EPHA6: variants seen among roughly 807,000 people sequenced by gnomAD.
The protein encoded by EPHA6 is ephrin type-A receptor 6.
Under a neutral mutation model 112.0 loss-of-function variants are expected in EPHA6, and 50 were observed. The ratio of observed to expected loss-of-function variants is 0.45; its 90% CI spans 0.36 to 0.56. The LOEUF (loss-of-function observed/expected upper bound fraction) is 0.56. EPHA6 is among the 20% of genes least tolerant of loss of function. The pLI, the probability that EPHA6 is intolerant of heterozygous loss-of-function variation, is 0.00. For missense variants in EPHA6, 1,280 were observed against 1,417.4 expected, an observed-to-expected ratio of 0.90 and a Z score of 1.56; for synonymous variants, 529 against 490.7, an observed-to-expected ratio of 1.08 and a Z score of -1.03.
chr3:97,177,074 G>A (rs1203013262), intron 3 of EPHA6, among the ~76,000 whole-genome samples: 1 of 151,266 alleles, frequency 6.6e-6, no homozygotes, highest in Non-Finnish European at 1.5e-5. Context: ...GGTATTTTAT[G>A]TTTCCATTAT....
chr3:97,056,848 T>C (rs1216586401), intron 3 of EPHA6, among the ~76,000 whole-genome samples: 1 of 152,186 alleles, frequency 6.6e-6, no homozygotes, highest in Non-Finnish European at 1.5e-5. Flanking sequence ...TGAGGTATTA[T>C]TGAGATAGGA....
At chr3:96,818,126 C>A (rs1190486885) in intron 1 of EPHA6, among the ~76,000 whole-genome samples, 1 of 151,924 alleles carries the variant, frequency 6.6e-6, no homozygotes, top group East Asian at 1.9e-4. Context: ...ATTTTAAAAA[C>A]ATTTCATCTT....
Position 97,756,299 on chromosome 3 carries a change from A to C in EPHA6, c.*7598A>C, listed in dbSNP as rs2036024465. On this transcript the variant is annotated 3_prime_UTR_variant, in exon 18 of 18. Transcript: ENST00000389672. The stretch of plus-strand genomic sequence containing the variant: ...AATCAATGGCCAATAACTTGCTAAC[A>C]AACTTGTAACTGAACAAGCTATTTT... 6.6e-6 allele frequency among the ~76,000 whole-genome samples: 1 copy of C among 152,046 alleles called. No homozygotes were observed. Among genetic ancestry groups the C allele is most frequent in the Admixed American group, 6.5e-5 (1 of 15,274 alleles).
chr3:97,209,484 A>G (rs952470535), intron 3 of EPHA6, among the ~76,000 whole-genome samples: 1 of 152,202 alleles, frequency 6.6e-6, no homozygotes, highest in Non-Finnish European at 1.5e-5. Flanking sequence ...TAATACTCAC[A>G]TCATTGGCTT....
At chr3:97,481,221 C>A (rs2091533892) in intron 9 of EPHA6, 2 of 1,299,580 alleles carry the variant, frequency 1.5e-6, no homozygotes, top group Non-Finnish European at 2.2e-6. Context: ...ACCTTTTTCT[C>A]CATTACTATT....
At chr3:96,830,831 G>A (rs2034022969) in intron 1 of EPHA6, among the ~76,000 whole-genome samples, 1 of 152,008 alleles carries the variant, frequency 6.6e-6, no homozygotes, top group Non-Finnish European at 1.5e-5. Context: ...GACAAGTAAA[G>A]AAAGTTCAAG....
chr3:97,602,530 C>A (rs916991803), intron 12 of EPHA6, among the ~76,000 whole-genome samples: 2 of 152,058 alleles, frequency 1.3e-5, no homozygotes, highest in African/African-American at 2.4e-5. Flanking sequence ...GACTCTGGAA[C>A]CAGATTGCCT....
chr3:97,390,779 T>G (rs188920284), intron 5 of EPHA6, among the ~76,000 whole-genome samples: 38 of 152,112 alleles, frequency 2.5e-4, no homozygotes, highest in African/African-American at 8.7e-4. Context: ...GAAAAGGAGA[T>G]GACAGTTCAT....
chr3:97,033,796 G>A (rs1378576969), intron 3 of EPHA6, among the ~76,000 whole-genome samples: 3 of 151,898 alleles, frequency 2.0e-5, no homozygotes, highest in Admixed American at 6.6e-5. Context: ...AATTAAAGCT[G>A]TATAGTTCAA....
At chr3:97,698,285 C>A (rs1003404617) in intron 14 of EPHA6, among the ~76,000 whole-genome samples, 1 of 152,150 alleles carries the variant, frequency 6.6e-6, no homozygotes, top group African/African-American at 2.4e-5. Flanking sequence ...AGTTGTGAGC[C>A]GTCGTGACCG....
At chr3:97,596,777 C>CATATATATATATAT (rs57541953) in intron 12 of EPHA6, among the ~76,000 whole-genome samples, 55 of 106,194 alleles carry the variant, frequency 5.2e-4, no homozygotes, top group East Asian at 1.7e-3. Context: ...AACTCATATA[C>CATATATATATATAT]ATATATATAT....
At chr3:97,107,948 T>C (rs1449908161) in intron 3 of EPHA6, among the ~76,000 whole-genome samples, 1 of 152,170 alleles carries the variant, frequency 6.6e-6, no homozygotes, top group East Asian at 1.9e-4. Flanking sequence ...AAGCAATTAT[T>C]CTTGGGTTTT....
At chr3:96,959,532 G>GTGT (rs2041884263) in intron 2 of EPHA6, among the ~76,000 whole-genome samples, 1 of 151,796 alleles carries the variant, frequency 6.6e-6, no homozygotes, top group Non-Finnish European at 1.5e-5. Context: ...TTTTATTATA[G>GTGT]TGTTTTCCTT....
intron 13 of EPHA6, among the ~76,000 whole-genome samples, chr3:97,611,159 A>G (rs997390788): frequency 2.0e-5 from 3 of 151,686 alleles, no homozygotes; most frequent in African/African-American, 7.3e-5. Flanking sequence ...ATGAAACTCA[A>G]TTGCCTCACA....
chr3:97,128,580 A>G (rs981720104), intron 3 of EPHA6, among the ~76,000 whole-genome samples: 1 of 152,098 alleles, frequency 6.6e-6, no homozygotes, highest in Non-Finnish European at 1.5e-5. Flanking sequence ...GTGCAGTAGC[A>G]TGATCTCGGC....
At chr3:97,254,193 ATTTG>A (rs1369200918) in intron 5 of EPHA6, among the ~76,000 whole-genome samples, 1 of 151,254 alleles carries the variant, frequency 6.6e-6, no homozygotes, top group Non-Finnish European at 1.5e-5. Context: ...CTTTTTGTTT[ATTTG>A]TTTGTTTTTG....
intron 5 of EPHA6, among the ~76,000 whole-genome samples, chr3:97,284,909 G>T (rs1227574904): frequency 2.0e-5 from 3 of 152,016 alleles, no homozygotes; most frequent in Non-Finnish European, 4.4e-5. Context: ...AGAGGGATAG[G>T]TATATACATT....
At chr3:97,325,650 A>T (rs969668119) in intron 5 of EPHA6, among the ~76,000 whole-genome samples, 15 of 152,066 alleles carry the variant, frequency 9.9e-5, no homozygotes, top group Admixed American at 7.2e-4. Context: ...GGTAGTGGTG[A>T]TGGTATTTCT....
chr3:97,171,187 A>G (rs1181048881), intron 3 of EPHA6, among the ~76,000 whole-genome samples: 1 of 152,190 alleles, frequency 6.6e-6, no homozygotes, highest in East Asian at 1.9e-4. Context: ...GTTGAGACAA[A>G]CCATGTTAAA....
Sources: allele counts gnomAD v4.1 joint callset (sites outside exome capture counted in the v4.1 genomes callset), GRCh38; gene constraint gnomAD v4.1.1; transcripts MANE v1.5; gene names NCBI Gene and HGNC (gene_info 2026-07-23, HGNC 2026-07-21).